Variants in PTPRT observed in about 807,000 individuals in gnomAD.
PTPRT encodes protein tyrosine phosphatase receptor type T.
PTPRT carries 56 observed loss-of-function variants against 176.8 expected under a neutral mutation model. The ratio of observed to expected loss-of-function variants is 0.32; its 90% CI spans 0.26 to 0.40. The LOEUF (loss-of-function observed/expected upper bound fraction) is 0.40. Among genes scored for constraint, PTPRT ranks in the 10% least tolerant of loss-of-function variants. PTPRT has a pLI of 1.00. For synonymous variants in PTPRT, 783 were observed against 739.0 expected (o/e 1.06, Z -0.96); for missense variants, 1,540 against 1,908.2 (o/e 0.81, Z 3.60).
rs183830416 is a variant in PTPRT at position 42,564,275 on chromosome 20, T to G, written c.1154-91713A>C. On this transcript the variant is annotated intron_variant, in intron 7 of 30. Coordinates refer to ENST00000373187, the MANE Select transcript of PTPRT (RefSeq NM_007050.6). ...TCAACTTTGCTTTCTCCTTTCACTCTTCCACATTGCCCAGACTTTTCCCAA... is the reference window on the plus strand; with the variant it reads ...TCAACTTTGCTTTCTCCTTTCACTCGTCCACATTGCCCAGACTTTTCCCAA... Among the ~76,000 whole-genome samples, 332 of 152,334 alleles carry G rather than the reference T, an allele frequency of 2.2e-3. 1 individual carries two copies. The highest frequency in any genetic ancestry group is 7.6e-3 in the African/African-American group (318 of 41,574).
chr20:42,652,264 C>G (rs565775305), intron 7 of PTPRT, among the ~76,000 whole-genome samples: 2 of 152,242 alleles, frequency 1.3e-5, no homozygotes, highest in African/African-American at 2.4e-5. Context: ...ATTATCTGCT[C>G]TGAATCCACA....
intron 7 of PTPRT, among the ~76,000 whole-genome samples, chr20:42,639,208 T>G (rs927870427): frequency 3.9e-5 from 6 of 152,074 alleles, no homozygotes; most frequent in African/African-American, 1.5e-4. Context: ...TGTAGCAGCC[T>G]GACAGTGGCA....
intron 7 of PTPRT, among the ~76,000 whole-genome samples, chr20:42,546,397 G>A (rs1336915426): frequency 6.6e-6 from 1 of 152,082 alleles, no homozygotes; most frequent in Non-Finnish European, 1.5e-5. Context: ...TACGGCCACT[G>A]GGATTGGCCA....
At chr20:42,182,907 GGTGTGTGTGTGT>G (rs10608197) in intron 16 of PTPRT, among the ~76,000 whole-genome samples, 50 of 144,690 alleles carry the variant, frequency 3.5e-4, no homozygotes, top group Middle Eastern at 6.9e-3. Flanking sequence ...TACAAGCAGG[GGTGTGTGTGTGT>G]GTGTGTGTGT....
At chr20:42,809,337 T>A (rs923655308) in intron 2 of PTPRT, among the ~76,000 whole-genome samples, 1 of 152,050 alleles carries the variant, frequency 6.6e-6, no homozygotes, top group Non-Finnish European at 1.5e-5. Flanking sequence ...AGGTGCCAGG[T>A]GTGACTCCTG....
At chr20:42,731,890 CT>C (rs1600673627) in intron 6 of PTPRT, among the ~76,000 whole-genome samples, 1 of 152,196 alleles carries the variant, frequency 6.6e-6, no homozygotes, top group African/African-American at 2.4e-5. Flanking sequence ...CATCTTCCTA[CT>C]CTTTAAATGG....
chr20:42,271,134 G>A (rs1047897502), intron 13 of PTPRT, among the ~76,000 whole-genome samples: 1 of 152,044 alleles, frequency 6.6e-6, no homozygotes, highest in Non-Finnish European at 1.5e-5. Context: ...ACCTCACTCA[G>A]CTCACAGGCC....
At chr20:42,429,456 G>C (rs540345052) in intron 9 of PTPRT, among the ~76,000 whole-genome samples, 1 of 152,244 alleles carries the variant, frequency 6.6e-6, no homozygotes, top group African/African-American at 2.4e-5. Context: ...TTTCTGGAGG[G>C]GAGAAAGCTG....
chr20:42,359,571 A>G (rs1273508167), intron 9 of PTPRT, among the ~76,000 whole-genome samples: 1 of 152,304 alleles, frequency 6.6e-6, no homozygotes, highest in East Asian at 1.9e-4. Context: ...CCACTGGCTG[A>G]CAGTCTTGCA....
At chr20:42,134,366 G>A (rs763676049) in intron 18 of PTPRT, among the ~76,000 whole-genome samples, 6 of 152,178 alleles carry the variant, frequency 3.9e-5, no homozygotes, top group Non-Finnish European at 7.3e-5. Flanking sequence ...GAGTTAAGAA[G>A]AGTCATGTGG....
At chr20:42,550,796 G>A (rs1317128066) in intron 7 of PTPRT, among the ~76,000 whole-genome samples, 1 of 152,090 alleles carries the variant, frequency 6.6e-6, no homozygotes, top group Admixed American at 6.6e-5. Context: ...ACACTGAAAG[G>A]AAATAAGCAT....
intron 12 of PTPRT, among the ~76,000 whole-genome samples, chr20:42,284,591 A>G (rs1229930795): frequency 6.6e-6 from 1 of 152,100 alleles, no homozygotes; most frequent in Non-Finnish European, 1.5e-5. Context: ...GTTAATCAGA[A>G]TCAGAACTAA....
intron 9 of PTPRT, among the ~76,000 whole-genome samples, chr20:42,390,998 C>A (rs1406185805): frequency 6.6e-6 from 1 of 152,082 alleles, no homozygotes; most frequent in Admixed American, 6.5e-5. Flanking sequence ...TTACTTAGGT[C>A]TTTTCATTGC....
intron 1 of PTPRT, among the ~76,000 whole-genome samples, chr20:43,120,403 C>T (rs1474463582): frequency 1.3e-5 from 2 of 152,068 alleles, no homozygotes; most frequent in Admixed American, 1.3e-4. Context: ...TCCCGAGTAG[C>T]TGGGACTACA....
rs138565975 is a variant in PTPRT, at chr20:42,456,903, T to C, written c.1451-8574A>G. Reference sequence around the variant, plus strand: ...ACAAACTCCTTGAGTGTTTGACTGATTGCACTTGTGAAGTCACCTGGGACT... The same window carrying C: ...ACAAACTCCTTGAGTGTTTGACTGACTGCACTTGTGAAGTCACCTGGGACT... On this transcript the variant is annotated intron_variant, in intron 8 of 30. Coordinates refer to ENST00000373187, the MANE Select transcript of PTPRT (RefSeq NM_007050.6). Among the ~76,000 whole-genome samples, 750 of 152,310 alleles carry C rather than the reference T, an allele frequency of 4.9e-3. 9 individuals carry two copies. Among genetic ancestry groups the C allele is most frequent in the African/African-American group, 0.017 (717 of 41,582 alleles).
At chr20:42,783,625 T>C (rs6103041) in intron 3 of PTPRT, among the ~76,000 whole-genome samples, 89,447 of 151,878 alleles carry the variant, frequency 0.59, 28,820 homozygotes, top group Non-Finnish European at 0.73. Flanking sequence ...GCTCCAGTTT[T>C]TAGGGACAGA....
chr20:42,181,446 T>C (rs965775336), intron 16 of PTPRT, among the ~76,000 whole-genome samples: 15 of 152,168 alleles, frequency 9.9e-5, no homozygotes, highest in Non-Finnish European at 2.1e-4. Context: ...ATTAGGACTT[T>C]CTAAGAAATG....
chr20:43,185,170 G>T (rs184740071), intron 1 of PTPRT, among the ~76,000 whole-genome samples: 16 of 152,342 alleles, frequency 1.1e-4, no homozygotes, highest in Admixed American at 9.8e-4. Flanking sequence ...ACCCAATTCT[G>T]TAAGGTGTTT....
At chr20:42,107,592 C>T (rs1986583236) in intron 23 of PTPRT, among the ~76,000 whole-genome samples, 1 of 152,204 alleles carries the variant, frequency 6.6e-6, no homozygotes, top group African/African-American at 2.4e-5. Flanking sequence ...CCTTGGCCAG[C>T]CCTTTCTAGA....
Sources: gnomAD v4.1 joint callset for allele counts (sites outside exome capture counted in the v4.1 genomes callset) on GRCh38, gnomAD v4.1.1 for gene constraint, MANE v1.5 for transcripts, NCBI Gene and HGNC (gene_info 2026-07-23, HGNC 2026-07-21) for gene names.